Variants in SLC68A1 observed in about 807,000 individuals in gnomAD.
SLC68A1 encodes major facilitator superfamily domain containing 13A.
chr10:102,475,979 G>A, the SLC68A1 span: 1 of 1,595,190 alleles, frequency 6.3e-7, no homozygotes, highest in Non-Finnish European at 8.6e-7. Context: ...TGTTAAGATG[G>A]TGTGAGAGCT....
chr10:102,470,489 C>A, the SLC68A1 span, among the ~76,000 whole-genome samples: 2 of 152,130 alleles, frequency 1.3e-5, no homozygotes, highest in East Asian at 3.9e-4. Flanking sequence ...GAGAGTGTAC[C>A]CACTGGTGAG....
chr10:102,473,654 G>C, the SLC68A1 span: 3 of 1,614,072 alleles, frequency 1.9e-6, no homozygotes, highest in East Asian at 6.7e-5. Context: ...GTGGTGCGGG[G>C]GCTCTTCCTG....
At chr10:102,475,922 A>G in the SLC68A1 span, 31 of 1,613,722 alleles carry the variant, frequency 1.9e-5, no homozygotes, top group African/African-American at 2.9e-4. Context: ...ACGCCTGCAC[A>G]TGGTCAAGGC....
the SLC68A1 span, chr10:102,469,836 G>A: frequency 2.0e-6 from 2 of 985,402 alleles, no homozygotes; most frequent in East Asian, 2.3e-4. Flanking sequence ...CCAGCGCCTG[G>A]CCAGAGTGGG....
the SLC68A1 span, chr10:102,470,001 T>C: frequency 6.2e-7 from 1 of 1,613,964 alleles, no homozygotes; most frequent in Non-Finnish European, 8.5e-7. Flanking sequence ...AGACAGTGTT[T>C]CTCCTCTGGA....
the SLC68A1 span, chr10:102,475,916 C>T: frequency 1.9e-6 from 3 of 1,613,806 alleles, no homozygotes; most frequent in Admixed American, 3.3e-5. Flanking sequence ...TGGGAGACGC[C>T]TGCACATGGT....
chr10:102,475,859 A>G, the SLC68A1 span: 3 of 1,613,836 alleles, frequency 1.9e-6, no homozygotes, highest in Non-Finnish European at 2.5e-6. Flanking sequence ...GGTGCCCATC[A>G]CCTGTGCTCT....
chr10:102,470,568 C>T, the SLC68A1 span: 1 of 1,530,384 alleles, frequency 6.5e-7, no homozygotes, highest in Non-Finnish European at 8.8e-7. Flanking sequence ...AGTCCCACAC[C>T]CTGGGCCTCC....
At chr10:102,476,314 C>T in the SLC68A1 span, 5 of 276,686 alleles carry the variant, frequency 1.8e-5, no homozygotes, top group South Asian at 1.0e-4. Flanking sequence ...GTGATCAGCC[C>T]GCCTCGGCCT....
chr10:102,477,004 T>G, the SLC68A1 span: 1 of 985,720 alleles, frequency 1.0e-6, no homozygotes, highest in South Asian at 4.7e-5. Context: ...AGATGTTTAT[T>G]TCCTTATAGA....
At chr10:102,462,909 CAG>C in the SLC68A1 span, among the ~76,000 whole-genome samples, 1 of 152,202 alleles carries the variant, frequency 6.6e-6, no homozygotes, top group Non-Finnish European at 1.5e-5. Context: ...GTGTCTTACT[CAG>C]AGAGGCACAT....
chr10:102,470,712 A>C, the SLC68A1 span: 1 of 1,612,860 alleles, frequency 6.2e-7, no homozygotes, highest in Non-Finnish European at 8.5e-7. Flanking sequence ...GCCCGGGTGC[A>C]GGCCCTGGGC....
the SLC68A1 span, chr10:102,473,800 C>A: frequency 6.2e-7 from 1 of 1,607,264 alleles, no homozygotes; most frequent in Non-Finnish European, 8.5e-7. Context: ...TTCCTGCCTG[C>A]TCTCTCCCTC....
the SLC68A1 span, chr10:102,473,587 C>A: frequency 1.9e-6 from 3 of 1,610,580 alleles, no homozygotes; most frequent in South Asian, 3.3e-5. Flanking sequence ...CTATGTCGCT[C>A]CCCATCTCAA....
At chr10:102,474,904 T>C in the SLC68A1 span, among the ~76,000 whole-genome samples, 1 of 151,530 alleles carries the variant, frequency 6.6e-6, no homozygotes, top group Admixed American at 6.6e-5. Flanking sequence ...CACCTTGGCC[T>C]CCCAAAGTGC....
the SLC68A1 span, among the ~76,000 whole-genome samples, chr10:102,467,686 C>T: frequency 6.6e-6 from 1 of 151,922 alleles, no homozygotes; most frequent in African/African-American, 2.4e-5. Context: ...GACTGAGTTT[C>T]GCTCTTGGTG....
the SLC68A1 span, chr10:102,468,231 GTTTAATCCT>G: frequency 1.3e-5 from 2 of 152,140 alleles, no homozygotes; most frequent in Non-Finnish European, 2.9e-5. Flanking sequence ...GAGTTACCTT[GTTTAATCCT>G]TATGATTTGC....
At chr10:102,469,542 A>AG in the SLC68A1 span, among the ~76,000 whole-genome samples, 3 of 112,228 alleles carry the variant, frequency 2.7e-5, no homozygotes, top group African/African-American at 2.9e-5. Flanking sequence ...CTGGCAGAGT[A>AG]GGTTTTTTTG....
the SLC68A1 span, among the ~76,000 whole-genome samples, chr10:102,465,530 A>AT: frequency 2.5e-4 from 38 of 152,274 alleles, 1 homozygote; most frequent in East Asian, 6.7e-3. Context: ...AGAGGTTGAC[A>AT]TTAACATCCC....
Sources: gnomAD v4.1 joint callset for allele counts (sites outside exome capture counted in the v4.1 genomes callset) on GRCh38, gnomAD v4.1.1 for gene constraint, MANE v1.5 for transcripts, NCBI Gene and HGNC (gene_info 2026-07-23, HGNC 2026-07-21) for gene names.